MEGF8: variants seen among roughly 807,000 people sequenced by gnomAD.
MEGF8 encodes the protein multiple epidermal growth factor-like domains protein 8.
A neutral mutation model predicts 302.9 loss-of-function variants in MEGF8; 156 were observed. The ratio of observed to expected loss-of-function variants is 0.52; its 90% CI spans 0.45 to 0.59. The LOEUF (loss-of-function observed/expected upper bound fraction) is 0.59, where lower values mean the gene tolerates loss of function less well. Ranked by LOEUF, MEGF8 falls within the 20% of genes least tolerant of loss-of-function variation. The pLI, the probability that MEGF8 is intolerant of heterozygous loss-of-function variation, is 0.00. For missense variants in MEGF8, 3,345 were observed against 3,964.5 expected, an observed-to-expected ratio of 0.84 and a Z score of 4.20; for synonymous variants, 1,621 against 1,660.5, an observed-to-expected ratio of 0.98 and a Z score of 0.58.
Position 42,375,781 on chromosome 19 carries a change from T to A in MEGF8, c.7544T>A (p.Val2515Glu). 6.2e-7 allele frequency: 1 copy of A among 1,612,988 alleles called. No homozygotes were observed. The highest frequency in any genetic ancestry group is 8.5e-7 in the Non-Finnish European group (1 of 1,179,818). ...STSYDTFVVR[V>E]APDTGVHTVH... ...TCCTATGACACCTTCGTGGTCCGTG[T>A]GGCCCCTGACACTGGCGTCCATACT... The change falls in exon 42 of 42, where the codon GTG becomes GAG. Residue 2515 changes from valine to glutamate, a missense_variant. Val to Glu is a moderately radical substitution (Grantham distance 121). Transcript: ENST00000251268. The surrounding 1 kb of genome is among the most constrained non-coding windows in gnomAD (Gnocchi z 7.1).
Position 42,344,337 on chromosome 19 carries a change from T to A in MEGF8, c.1789-104T>A, listed in dbSNP as rs1015331555. ...TCCAAGTCAACTCCCCGTTCTTCAG[T>A]TTTTTCGCCCTTTCCATCGCAGGAC... On this transcript the variant is annotated intron_variant, in intron 10 of 41. Coordinates refer to ENST00000251268, the MANE Select transcript of MEGF8 (RefSeq NM_001271938.2). This position sits in a 1 kb window ranked among gnomAD's most constrained non-coding sequence, Gnocchi z 4.5. The A allele has an allele frequency of 6.9e-7, 1 of 1,451,600 alleles. No individual in the cohort carries two copies. The highest frequency in any genetic ancestry group is 9.1e-7 in the Non-Finnish European group (1 of 1,093,858). 89.9% of individuals were successfully genotyped at this position (1,451,600 alleles called of 1,614,324 possible). A position where few individuals can be genotyped will look rare whatever the true frequency, so the allele number is the denominator to read the frequency against.
intron 1 of MEGF8, among the ~76,000 whole-genome samples, chr19:42,332,557 G>A (rs2039068973): frequency 6.6e-6 from 1 of 152,054 alleles, no homozygotes; most frequent in African/African-American, 2.4e-5. Context: ...TAGTAGAGAC[G>A]GGGTTTCGCC....
chr19:42,372,096 C>T (rs2039702008), intron 41 of MEGF8, among the ~76,000 whole-genome samples: 1 of 151,964 alleles, frequency 6.6e-6, no homozygotes, highest in African/African-American at 2.4e-5. Context: ...CACACACACA[C>T]ACAACAGAAG....
At chr19:42,343,331 T>G in intron 8 of MEGF8, 146 bp from the exon 9 acceptor site, 1 of 781,948 alleles carries the variant, frequency 1.3e-6, no homozygotes, top group Non-Finnish European at 1.9e-6. Context: ...CAGGGCCAGG[T>G]GGGCTGGGAG....
Position 42,353,556 on chromosome 19 carries a change from CG to C in MEGF8, c.3645del (p.His1216ThrfsTer123). ...SRGCRPCQCN[G>X]HGDPRRGHCD... ...GGGGCTGCCGGCCCTGCCAGTGCAA[CG>C]GGCACGGGGACCCACGCCGTGGCCA... On this transcript the variant is annotated frameshift_variant, in exon 21 of 42. Transcript: ENST00000251268. LOFTEE classifies it high-confidence loss of function. The surrounding 1 kb of genome is among the most constrained non-coding windows in gnomAD (Gnocchi z 6.1). 1 of 1,604,592 alleles carries C rather than the reference CG, an allele frequency of 6.2e-7. No individual in the cohort carries two copies. The highest frequency in any genetic ancestry group is 8.5e-7 in the Non-Finnish European group (1 of 1,176,030).
At chr19:42,334,335 C>T (rs2039095057) in intron 3 of MEGF8, 122 bp downstream of exon 3, 23 of 914,052 alleles carry the variant, frequency 2.5e-5, no homozygotes, top group East Asian at 5.3e-5. Context: ...CACCCTCCTC[C>T]GTGACACCCA....
In MEGF8 at chr19:42,352,813, A is replaced by C. The variant is rs1314252060; in HGVS notation, c.3351-115A>C. 14 of 840,004 alleles carry C rather than the reference A, an allele frequency of 1.7e-5. No homozygotes were observed. Among genetic ancestry groups the C allele is most frequent in the Non-Finnish European group, 2.6e-5 (14 of 530,758 alleles). 52.0% of individuals were successfully genotyped at this position (840,004 alleles called of 1,614,324 possible). A position where few individuals can be genotyped will look rare whatever the true frequency, so the allele number is the denominator to read the frequency against. ...GAGACAGGGTCACCCACATAGCCCA[A>C]AACCATGGAAACAGCCAGTGGCTTT... On this transcript the variant is annotated intron_variant, in intron 19 of 41. Transcript: ENST00000251268. The surrounding 1 kb of genome is among the most constrained non-coding windows in gnomAD (Gnocchi z 4.4).
chr19:42,372,140 T>C (rs1568578003), intron 41 of MEGF8, among the ~76,000 whole-genome samples: 1 of 151,822 alleles, frequency 6.6e-6, no homozygotes, highest in Non-Finnish European at 1.5e-5. Context: ...GAACTGAGGG[T>C]CTGGGGTCTG....
At chr19:42,338,259 G>A (rs2039160352) in intron 8 of MEGF8, among the ~76,000 whole-genome samples, 1 of 150,662 alleles carries the variant, frequency 6.6e-6, no homozygotes, top group South Asian at 2.1e-4. Context: ...TTTTTTTTGG[G>A]GATGGAGTCT....
chr19:42,333,545 C>T (rs1018096714), intron 1 of MEGF8, 60 bp from the exon 2 acceptor site: 15 of 1,529,606 alleles, frequency 9.8e-6, no homozygotes, highest in Non-Finnish European at 1.3e-5. Context: ...TGGGAGGCTG[C>T]AGGGAGGTGT....
rs1459456873 is a variant in MEGF8 at position 42,335,109 on chromosome 19, G to T, written c.633G>T (p.Gly211=). ...ACDLHLWENQ[G]AGWWHNVSAR... is the part of the protein sequence containing the mutation. ...ACCTGCACCTGTGGGAGAACCAGGGGGCTGGGTGGTGGCACAACGTGAGTG... is the reference window on the plus strand; with the variant it reads ...ACCTGCACCTGTGGGAGAACCAGGGTGCTGGGTGGTGGCACAACGTGAGTG... The change falls in exon 4 of 42, where the codon GGG becomes GGT. Residue 211 remains glycine (G), a synonymous_variant. Transcript: ENST00000251268. 2 of 1,613,928 alleles carry T rather than the reference G, an allele frequency of 1.2e-6. No individual in the cohort carries two copies. The highest frequency in any genetic ancestry group is 3.3e-5 in the Admixed American group (2 of 60,006).
intron 41 of MEGF8, among the ~76,000 whole-genome samples, chr19:42,373,279 G>T (rs1378283706): frequency 6.6e-6 from 1 of 151,260 alleles, no homozygotes; most frequent in East Asian, 2.0e-4. Context: ...TTTTAGTAGA[G>T]ACAGGGTTTC....
intron 35 of MEGF8, among the ~76,000 whole-genome samples, chr19:42,367,144 G>A (rs1206032): frequency 0.57 from 86,491 of 152,036 alleles, 27,782 homozygotes; most frequent in African/African-American, 0.89. Context: ...CATTGTGCAC[G>A]TTTTTGGGGT....
In MEGF8 at chr19:42,336,361, C is replaced by T; in HGVS notation, c.1244+15C>T. The T allele has an allele frequency of 1.3e-6, 2 of 1,572,956 alleles. No individual in the cohort carries two copies. Among genetic ancestry groups the T allele is most frequent in the Non-Finnish European group, 1.7e-6 (2 of 1,160,286 alleles). On this transcript the variant is annotated intron_variant, in intron 6 of 41. Transcript: ENST00000251268. This position sits in a 1 kb window ranked among gnomAD's most constrained non-coding sequence, Gnocchi z 4.8. Reference sequence around the variant, plus strand: ...TCCACTGCCCGGTAAGTGACCTGTCCCATAACCCATGCTCCACAGGCCAGG... The same window carrying T: ...TCCACTGCCCGGTAAGTGACCTGTCTCATAACCCATGCTCCACAGGCCAGG...
In MEGF8 at chr19:42,376,505, CCCCG is replaced by C; in HGVS notation, c.8271_8274del (p.Ala2758ProfsTer77). On this transcript the variant is annotated frameshift_variant, in exon 42 of 42. Coordinates refer to ENST00000251268, the MANE Select transcript of MEGF8 (RefSeq NM_001271938.2). LOFTEE classifies it high-confidence loss of function. This position sits in a 1 kb window ranked among gnomAD's most constrained non-coding sequence, Gnocchi z 8.2. ...GAGGGGGCTGCTGCCCACCAGCCAT[CCCCG>C]CCACCACTGCTGGGCTGCGAGCTGG... 6.3e-7 allele frequency: 1 copy of C among 1,582,958 alleles called. No homozygotes were observed. Among genetic ancestry groups the C allele is most frequent in the Non-Finnish European group, 8.6e-7 (1 of 1,167,772 alleles).
At position 42,356,521 on chromosome 19, in the gene MEGF8, C is replaced by T; in HGVS notation, c.4622+68C>T. The T allele has an allele frequency of 1.6e-6, 2 of 1,281,500 alleles. No individual in the cohort carries two copies. The highest frequency in any genetic ancestry group is 1.5e-5 in the South Asian group (1 of 65,918). The allele number at this position is 1,281,500 out of a possible 1,614,324, so 79.4% of individuals were successfully genotyped here. ...GGTCACCTCGGGATGCTAAGAGTCA[C>T]CTCAGAGGAGTGCAGAAAAGCCTCT... On this transcript the variant is annotated intron_variant, in intron 26 of 41. Transcript: ENST00000251268. The surrounding 1 kb of genome is among the most constrained non-coding windows in gnomAD (Gnocchi z 5.2).
chr19:42,339,504 G>A (rs746858520), intron 8 of MEGF8, among the ~76,000 whole-genome samples: 1 of 152,122 alleles, frequency 6.6e-6, no homozygotes, highest in East Asian at 1.9e-4. Flanking sequence ...TATTGGCCAC[G>A]TGTATGTCTT....
At chr19:42,343,009 A>G (rs2039236306) in intron 8 of MEGF8, among the ~76,000 whole-genome samples, 1 of 152,122 alleles carries the variant, frequency 6.6e-6, no homozygotes, top group African/African-American at 2.4e-5. Flanking sequence ...TCCAGAGGAA[A>G]ATCAGGCGCT....
At position 42,349,516 on chromosome 19, in the gene MEGF8, G is replaced by A. The variant is rs2039338037; in HGVS notation, c.2316G>A (p.Trp772Ter). 1 of 1,611,916 alleles carries A rather than the reference G, an allele frequency of 6.2e-7. No individual in the cohort carries two copies. The highest frequency in any genetic ancestry group is 8.5e-7 in the Non-Finnish European group (1 of 1,179,694). Residue 772 changes from tryptophan (W) to a stop codon, truncating the protein, a stop_gained, in exon 14 of 42, where the codon TGG becomes TGA. Transcript: ENST00000251268. LOFTEE classifies it high-confidence loss of function. ...TACCCCAGGAGGAGGTGGGGCGCTG[G>A]GTGGCTCATCAGGAGAAGGAGACGC... The part of the protein sequence containing the change: ...DTENMEEVGR[W>*]VAHQEKETRR...
Sources: allele counts gnomAD v4.1 joint callset (sites outside exome capture counted in the v4.1 genomes callset), GRCh38; gene constraint gnomAD v4.1.1; non-coding constraint Gnocchi (gnomAD v3.1); transcripts MANE v1.5; gene names NCBI Gene and HGNC (gene_info 2026-07-23, HGNC 2026-07-21).